Variants in KRT8 observed in about 807,000 individuals in gnomAD.
The protein encoded by KRT8 is keratin, type II cytoskeletal 8.
KRT8 carries 24 observed loss-of-function variants against 43.0 expected under a neutral mutation model. That is an observed-to-expected ratio of 0.56 (90% confidence interval 0.40 to 0.78). The LOEUF is 0.78. Among genes scored for constraint, KRT8 ranks in the 30% least tolerant of loss-of-function variants. The pLI is 0.00. For missense variants in KRT8, 492 were observed against 638.4 expected (o/e 0.77, Z 2.47); for synonymous variants, 214 against 261.2 (o/e 0.82, Z 1.74).
At chr12:52,913,242 T>C (rs11170327) in intron 2 of KRT8, among the ~76,000 whole-genome samples, 23,445 of 151,228 alleles carry the variant, frequency 0.16, 2,539 homozygotes, top group East Asian at 0.48. Context: ...CCTGCTGGAG[T>C]GGAAGGAAGC....
chr12:52,918,036 GAGAAGAAGAAGAAGAGGAAGAAGA>G (rs1565725306), intron 2 of KRT8, among the ~76,000 whole-genome samples: 32 of 113,144 alleles, frequency 2.8e-4, no homozygotes, highest in South Asian at 1.9e-3. Context: ...AGAGGAGGAG[GAGAAGAAGAAGAAGAGGAAGAAGA>G]AGGAGAAGAA....
intron 2 of KRT8, among the ~76,000 whole-genome samples, chr12:52,925,517 G>A (rs992676712): frequency 3.9e-5 from 6 of 152,154 alleles, no homozygotes; most frequent in African/African-American, 1.4e-4. Context: ...CCGTCATCCT[G>A]GCCTTGCCCC....
chr12:52,905,083 T>G, upstream of KRT8: 1 of 1,482,238 alleles, frequency 6.7e-7, no homozygotes, highest in African/African-American at 1.4e-5. Flanking sequence ...GAATGGCCTT[T>G]TATAAAAGAG....
intron 2 of KRT8, among the ~76,000 whole-genome samples, chr12:52,934,236 GA>G (rs929241892): frequency 6.7e-6 from 1 of 150,198 alleles, no homozygotes; most frequent in Non-Finnish European, 1.5e-5. Context: ...CTCAGAAAAG[GA>G]AAAAAAATAA....
At chr12:52,948,717 C>T (rs1485200807) in intron 2 of KRT8, 5 of 393,754 alleles carry the variant, frequency 1.3e-5, no homozygotes, top group Non-Finnish European at 2.2e-5. Context: ...GTCTCGATCT[C>T]CTGACCTCGT....
chr12:52,906,025 G>A (rs1023804093), upstream of KRT8, among the ~76,000 whole-genome samples: 4 of 152,194 alleles, frequency 2.6e-5, no homozygotes, highest in Non-Finnish European at 5.9e-5. Flanking sequence ...AGGTTGCAGT[G>A]AGCTGAGATC....
chr12:52,901,780 G>A, intron 2 of KRT8, 84 bp downstream of exon 2: 2 of 932,142 alleles, frequency 2.1e-6, no homozygotes, highest in Non-Finnish European at 3.6e-6. Flanking sequence ...CACAACAGAG[G>A]GCCATGGGGA....
In KRT8 at chr12:52,904,739, G is replaced by A. The variant is rs560077188; in HGVS notation, c.243C>T (p.Asp81=). Residue 81 remains aspartate (D), a synonymous_variant, in exon 1 of 8, where the codon GAC becomes GAT. Transcript: ENST00000692008. Reference sequence around the variant, plus strand: ...GGGTGCGCACGGCCTGGATGTTGGGGTCCACCTCCAGGACAAGGGGGCTCA... The same window carrying A: ...GGGTGCGCACGGCCTGGATGTTGGGATCCACCTCCAGGACAAGGGGGCTCA... The A allele has an allele frequency of 5.6e-6, 9 of 1,612,590 alleles. 1 individual carries two copies. The highest frequency in any genetic ancestry group is 1.1e-5 in the South Asian group (1 of 91,040).
upstream of KRT8, among the ~76,000 whole-genome samples, chr12:52,909,029 A>AATAAATAC (rs1382526050): frequency 6.6e-6 from 1 of 152,156 alleles, no homozygotes; most frequent in Non-Finnish European, 1.5e-5. Context: ...TAAATAAATA[A>AATAAATAC]ATAAACAAAT....
chr12:52,904,629 ACAGT>A (rs1449586434), intron 1 of KRT8, 25 bp downstream of exon 1: 5 of 1,597,118 alleles, frequency 3.1e-6, no homozygotes, highest in Non-Finnish European at 4.3e-6. Context: ...GGCTGCGGGC[ACAGT>A]CAGCCACGCA....
chr12:52,928,680 G>A (rs1942034504), intron 2 of KRT8, among the ~76,000 whole-genome samples: 1 of 152,046 alleles, frequency 6.6e-6, no homozygotes, highest in African/African-American at 2.4e-5. Flanking sequence ...CGAGGTGTGT[G>A]GATCACCTGA....
intron 2 of KRT8, among the ~76,000 whole-genome samples, chr12:52,935,293 C>G (rs1174387232): frequency 1.4e-5 from 2 of 141,826 alleles, no homozygotes; most frequent in African/African-American, 5.2e-5. Context: ...GCAGGAGAAT[C>G]GCTTGAACCC....
chr12:52,943,761 A>G (rs967997034), intron 2 of KRT8, among the ~76,000 whole-genome samples: 4 of 152,166 alleles, frequency 2.6e-5, no homozygotes, highest in Non-Finnish European at 2.9e-5. Context: ...GCCTCTCCCA[A>G]GCTCCAGCCC....
chr12:52,948,429 G>C (rs1183098167), intron 2 of KRT8: 1 of 152,770 alleles, frequency 6.5e-6, no homozygotes, highest in African/African-American at 2.4e-5. Context: ...TGCAGGTTAA[G>C]GACAGCTAGA....
At chr12:52,932,562 A>T (rs1942102310) in intron 2 of KRT8, among the ~76,000 whole-genome samples, 1 of 152,148 alleles carries the variant, frequency 6.6e-6, no homozygotes, top group South Asian at 2.1e-4. Context: ...CAGTGCAATA[A>T]GTCAGGAAGA....
intron 2 of KRT8, among the ~76,000 whole-genome samples, chr12:52,921,942 G>A (rs968131353): frequency 4.0e-5 from 6 of 151,876 alleles, no homozygotes; most frequent in African/African-American, 9.7e-5. Flanking sequence ...AAAGTGGGAG[G>A]ATGGCTTGAG....
At position 52,921,320 on chromosome 12, in the gene KRT8, C is replaced by T. The variant is rs138704653; in HGVS notation, c.-46-16293G>A. Among the ~76,000 whole-genome samples the T allele has an allele frequency of 2.6e-5, 4 of 152,328 alleles. No individual in the cohort carries two copies. The East Asian group carries it at 5.8e-4, about 22-fold the overall frequency. On this transcript the variant is annotated intron_variant, in intron 2 of 6. Transcript: ENST00000546826. ...GAAGCTTAAGTAGCAACAGCAGCCT[C>T]CAGAACATGGAAGGCAAAGGAGGGA...
At chr12:52,904,852 T>C in exon 1 of KRT8, 1 of 1,612,748 alleles carries the variant, frequency 6.2e-7, no homozygotes, top group African/African-American at 1.3e-5. Flanking sequence ...CGAAAGTTGC[T>C]GCTGCCCACT....
intron 2 of KRT8, among the ~76,000 whole-genome samples, chr12:52,935,164 T>C (rs1942146949): frequency 6.7e-6 from 1 of 148,692 alleles, no homozygotes; most frequent in African/African-American, 2.5e-5. Context: ...ATTGATCACC[T>C]GAGGTTAGGA....
Sources: allele counts gnomAD v4.1 joint callset (sites outside exome capture counted in the v4.1 genomes callset), GRCh38; gene constraint gnomAD v4.1.1; transcripts MANE v1.5; gene names NCBI Gene and HGNC (gene_info 2026-07-23, HGNC 2026-07-21).